The following LANCL2 variants were observed in gnomAD, a reference collection of about 807,000 sequenced individuals.
LANCL2 encodes lanC-like protein 2.
In LANCL2, 33 loss-of-function variants were observed where a neutral mutation model predicts 56.9. The ratio of observed to expected loss-of-function variants is 0.58; its 90% CI spans 0.44 to 0.78. LANCL2 has a LOEUF of 0.78. Among genes scored for constraint, LANCL2 ranks in the 30% least tolerant of loss-of-function variants. The pLI is 0.00. For missense variants in LANCL2, 562 were observed against 580.2 expected (o/e 0.97, Z 0.32); for synonymous variants, 233 against 228.2 (o/e 1.02, Z -0.19).
intron 2 of LANCL2, among the ~76,000 whole-genome samples, chr7:55,395,623 GAA>G (rs1790241506): frequency 6.6e-6 from 1 of 152,032 alleles, no homozygotes; most frequent in African/African-American, 2.4e-5. Context: ...AAATCAAAGA[GAA>G]AGAAAGATAA....
chr7:55,367,905 A>G (rs1490893772), intron 1 of LANCL2, among the ~76,000 whole-genome samples: 1 of 152,220 alleles, frequency 6.6e-6, no homozygotes. Context: ...TTCATATTCA[A>G]TATTGGTTTT....
chr7:55,365,979 C>T lies in LANCL2; in HGVS notation c.-47C>T, dbSNP rs1562853471. 3.7e-6 allele frequency: 5 copies of T among 1,350,786 alleles called. No homozygotes were observed. The highest frequency in any genetic ancestry group is 4.8e-6 in the Non-Finnish European group (5 of 1,034,634). 83.7% of individuals were successfully genotyped at this position (1,350,786 alleles called of 1,614,324 possible). On this transcript the variant is annotated 5_prime_UTR_variant, in exon 1 of 9. Coordinates refer to ENST00000254770, the MANE Select transcript of LANCL2 (RefSeq NM_018697.4). ...GGCGGCGGCGGGGCGAGCTGCAGCG[C>T]CGGGACAGGAGGTTTGTCCCCGCCC...
intron 6 of LANCL2, among the ~76,000 whole-genome samples, chr7:55,422,309 C>CT (rs764923489): frequency 3.3e-5 from 5 of 151,986 alleles, no homozygotes; most frequent in African/African-American, 4.8e-5. Context: ...TCTGGGTTGA[C>CT]TTTTTTTTCT....
intron 1 of LANCL2, among the ~76,000 whole-genome samples, chr7:55,372,273 T>C (rs1789951794): frequency 1.3e-5 from 2 of 152,228 alleles, no homozygotes; most frequent in South Asian, 4.1e-4. Context: ...GCATTTTCCA[T>C]CTTTTGGAAA....
chr7:55,406,085 G>A (rs987831312), intron 5 of LANCL2, among the ~76,000 whole-genome samples: 2 of 152,222 alleles, frequency 1.3e-5, no homozygotes, highest in African/African-American at 2.4e-5. Context: ...TGGAAAGGGA[G>A]CAGGAACGTA....
At chr7:55,416,823 CTG>C (rs1430929304) in intron 6 of LANCL2, among the ~76,000 whole-genome samples, 2 of 151,816 alleles carry the variant, frequency 1.3e-5, no homozygotes, top group South Asian at 2.1e-4. Context: ...TAATTACTGT[CTG>C]TGTTTTGTCT....
At chr7:55,374,657 C>G (rs1473798970) in intron 1 of LANCL2, among the ~76,000 whole-genome samples, 1 of 152,144 alleles carries the variant, frequency 6.6e-6, no homozygotes, top group Non-Finnish European at 1.5e-5. Flanking sequence ...CACACTCTTG[C>G]TAGGTATGTA....
chr7:55,396,237 G>A (rs1370724545), intron 2 of LANCL2, among the ~76,000 whole-genome samples: 3 of 149,826 alleles, frequency 2.0e-5, no homozygotes, highest in Admixed American at 6.6e-5. Flanking sequence ...TTACCTCTAG[G>A]AGCTCCACCA....
intron 5 of LANCL2, among the ~76,000 whole-genome samples, chr7:55,409,286 G>T (rs944130537): frequency 2.0e-5 from 3 of 151,532 alleles, no homozygotes; most frequent in Admixed American, 6.6e-5. Flanking sequence ...TGGAGATGGG[G>T]TTTCACCGTA....
chr7:55,383,727 C>A (rs1481205278), intron 1 of LANCL2, among the ~76,000 whole-genome samples: 2 of 152,194 alleles, frequency 1.3e-5, no homozygotes, highest in African/African-American at 4.8e-5. Flanking sequence ...ATCCCAGCTA[C>A]TGGGGAAGCT....
intron 5 of LANCL2, among the ~76,000 whole-genome samples, chr7:55,410,066 T>C (rs1220938989): frequency 6.6e-6 from 1 of 152,168 alleles, no homozygotes; most frequent in Non-Finnish European, 1.5e-5. Flanking sequence ...CTAGAATCAG[T>C]AACTCAGGGC....
intron 5 of LANCL2, among the ~76,000 whole-genome samples, chr7:55,402,242 CGGGGGGCTG>C (rs1790341034): frequency 7.4e-6 from 1 of 134,374 alleles, no homozygotes; most frequent in Non-Finnish European, 1.6e-5. Context: ...GCTGGCCGGG[CGGGGGGCTG>C]ACCCCCCCGC....
intron 2 of LANCL2, 36 bp from the exon 3 acceptor site, chr7:55,398,387 A>C: frequency 6.9e-7 from 1 of 1,443,104 alleles, no homozygotes; most frequent in Non-Finnish European, 9.8e-7. Context: ...GGAAAAGATA[A>C]TAATGCTTTT....
chr7:55,426,991 C>A (rs1369845489), intron 7 of LANCL2, among the ~76,000 whole-genome samples: 2 of 152,110 alleles, frequency 1.3e-5, no homozygotes, highest in Non-Finnish European at 2.9e-5. Flanking sequence ...GGGTGGCCTG[C>A]AGAGGTGGAA....
chr7:55,408,865 C>A (rs1790440322), intron 5 of LANCL2, among the ~76,000 whole-genome samples: 1 of 150,450 alleles, frequency 6.6e-6, no homozygotes, highest in Non-Finnish European at 1.5e-5. Flanking sequence ...GCCTGTAGTC[C>A]CAGCTACTCG....
intron 2 of LANCL2, among the ~76,000 whole-genome samples, chr7:55,392,744 A>G (rs815931): frequency 0.88 from 133,674 of 152,142 alleles, 58,974 homozygotes; most frequent in African/African-American, 0.91. Context: ...CCTGAAGTTT[A>G]AACTTTAATA....
intron 1 of LANCL2, among the ~76,000 whole-genome samples, chr7:55,372,183 G>A (rs1025244806): frequency 2.0e-5 from 3 of 152,208 alleles, no homozygotes; most frequent in Admixed American, 2.0e-4. Flanking sequence ...CCAGTTTTCA[G>A]TTCCTGATGT....
intron 1 of LANCL2, among the ~76,000 whole-genome samples, chr7:55,366,574 C>T (rs1054789748): frequency 6.6e-6 from 1 of 152,150 alleles, no homozygotes; most frequent in Non-Finnish European, 1.5e-5. Context: ...CGGAGCGCTC[C>T]GCCGGCTACC....
In LANCL2 at chr7:55,365,888, G is replaced by A; in HGVS notation, c.-138G>A. The A allele has an allele frequency of 1.7e-6, 1 of 604,074 alleles. No homozygotes were observed. The highest frequency in any genetic ancestry group is 2.7e-6 in the Non-Finnish European group (1 of 377,102). The allele number at this position is 604,074 out of a possible 1,614,324, so 37.4% of individuals were successfully genotyped here. ...GAGGCAGTGCACGCTCAGACGCCCC[G>A]CTCCTCCCGCCAGCGCGCGGCCTCG... On this transcript the variant is annotated 5_prime_UTR_variant, in exon 1 of 9. Transcript: ENST00000254770.
Sources: gnomAD v4.1 joint callset for allele counts (sites outside exome capture counted in the v4.1 genomes callset) on GRCh38, gnomAD v4.1.1 for gene constraint, MANE v1.5 for transcripts, NCBI Gene and HGNC (gene_info 2026-07-23, HGNC 2026-07-21) for gene names.